Variants in ENAH observed in about 807,000 individuals in gnomAD.
ENAH encodes the protein ENAH actin regulator, also known as protein enabled homolog.
ENAH carries 23 observed loss-of-function variants against 78.7 expected under a neutral mutation model. The observed-to-expected ratio is 0.29, with a 90% CI of 0.21 to 0.41. ENAH has a LOEUF of 0.41. Ranked by LOEUF, ENAH falls within the 10% of genes least tolerant of loss-of-function variation. ENAH has a pLI of 1.00. For missense variants in ENAH, 544 were observed against 691.0 expected, an observed-to-expected ratio of 0.79 and a Z score of 2.39; for synonymous variants, 226 against 241.0, an observed-to-expected ratio of 0.94 and a Z score of 0.58.
chr1:225,499,776 T>A (rs2096271581), intron 12 of ENAH, among the ~76,000 whole-genome samples: 1 of 152,216 alleles, frequency 6.6e-6, no homozygotes, highest in African/African-American at 2.4e-5. Flanking sequence ...CAGCTGTCCT[T>A]TGGAAGAATT....
chr1:225,640,129 G>C (rs773151296), intron 1 of ENAH, among the ~76,000 whole-genome samples: 2 of 152,278 alleles, frequency 1.3e-5, no homozygotes, highest in South Asian at 2.1e-4. Flanking sequence ...TGGCAAAAAG[G>C]ACTGTCTTTA....
chr1:225,561,558 G>A (rs1445963577), intron 2 of ENAH, among the ~76,000 whole-genome samples: 1 of 151,156 alleles, frequency 6.6e-6, no homozygotes, highest in African/African-American at 2.4e-5. Context: ...GGAGTTGAAG[G>A]TTGCAGTGAG....
chr1:225,554,016 G>A (rs554643557), intron 3 of ENAH, among the ~76,000 whole-genome samples: 1 of 152,232 alleles, frequency 6.6e-6, no homozygotes, highest in South Asian at 2.1e-4. Context: ...ATTGTTTAAT[G>A]TATTTATAAC....
intron 1 of ENAH, among the ~76,000 whole-genome samples, chr1:225,644,269 T>C (rs1182794661): frequency 6.6e-6 from 1 of 152,254 alleles, no homozygotes; most frequent in East Asian, 1.9e-4. Flanking sequence ...AAAAAAATAC[T>C]GACCAGACAT....
At position 225,488,370 on chromosome 1, in the gene ENAH, T is replaced by C. The variant is rs771824066; in HGVS notation, c.*9405A>G. On this transcript the variant is annotated 3_prime_UTR_variant, in exon 14 of 14. Transcript: ENST00000366843. Reference sequence around the variant, plus strand: ...AGGCTGAGCAACAGAAAGCTTCCAATGAGAACTCAGAAGGCATTCACTCTG... The same window carrying C: ...AGGCTGAGCAACAGAAAGCTTCCAACGAGAACTCAGAAGGCATTCACTCTG... 6.6e-6 allele frequency: 1 copy of C among 152,102 alleles called. No individual in the cohort carries two copies. Among genetic ancestry groups the C allele is most frequent in the Non-Finnish European group, 1.5e-5 (1 of 68,054 alleles). The allele number at this position is 152,102 out of a possible 1,614,324, so 9.4% of individuals were successfully genotyped here. A position where few individuals can be genotyped will look rare whatever the true frequency, so the allele number is the denominator to read the frequency against.
chr1:225,650,927 T>C (rs141873971), intron 1 of ENAH, among the ~76,000 whole-genome samples: 172 of 150,588 alleles, frequency 1.1e-3, no homozygotes, highest in African/African-American at 3.9e-3. Flanking sequence ...TACCCAAAGT[T>C]TGAAACAACT....
chr1:225,547,445 C>T (rs2096620552), intron 3 of ENAH, among the ~76,000 whole-genome samples: 1 of 152,126 alleles, frequency 6.6e-6, no homozygotes, highest in South Asian at 2.1e-4. Flanking sequence ...AAGTGAAGTA[C>T]AATCAGAACC....
chr1:225,625,301 C>T (rs1361358943), intron 1 of ENAH, among the ~76,000 whole-genome samples: 1 of 152,130 alleles, frequency 6.6e-6, no homozygotes, highest in Non-Finnish European at 1.5e-5. Context: ...ACACCTAAAG[C>T]AATATTTAGC....
At chr1:225,612,094 G>A (rs557396879) in intron 1 of ENAH, among the ~76,000 whole-genome samples, 12 of 152,124 alleles carry the variant, frequency 7.9e-5, no homozygotes, top group Admixed American at 3.3e-4. Context: ...ATATATGTCC[G>A]AAAAAACTGA....
intron 1 of ENAH, among the ~76,000 whole-genome samples, chr1:225,597,094 C>T (rs1446007810): frequency 6.6e-6 from 1 of 152,164 alleles, no homozygotes; most frequent in African/African-American, 2.4e-5. Context: ...AAATACTGAA[C>T]ATCAATCCTA....
At chr1:225,645,035 T>C (rs1473346078) in intron 1 of ENAH, among the ~76,000 whole-genome samples, 1 of 152,158 alleles carries the variant, frequency 6.6e-6, no homozygotes. Flanking sequence ...AGCTCCAAAA[T>C]TTGTTCAGGC....
At chr1:225,517,393 C>A in intron 5 of ENAH, 87 bp from the exon 6 acceptor site, 1 of 1,551,686 alleles carries the variant, frequency 6.4e-7, no homozygotes, top group South Asian at 1.2e-5. Flanking sequence ...TTGAGATCCA[C>A]AGTGTGAGAG....
At chr1:225,599,774 C>G (rs112909702) in intron 1 of ENAH, among the ~76,000 whole-genome samples, 1 of 132,988 alleles carries the variant, frequency 7.5e-6, no homozygotes, top group Non-Finnish European at 1.5e-5. Context: ...CCAGCCTGGG[C>G]GACAGGGCCG....
intron 1 of ENAH, among the ~76,000 whole-genome samples, chr1:225,597,089 C>G (rs1277666819): frequency 6.6e-6 from 1 of 152,148 alleles, no homozygotes; most frequent in Non-Finnish European, 1.5e-5. Flanking sequence ...AAGTCAAATA[C>G]TGAACATCAA....
chr1:225,609,470 G>A (rs2096975963), intron 1 of ENAH, among the ~76,000 whole-genome samples: 1 of 151,934 alleles, frequency 6.6e-6, no homozygotes, highest in South Asian at 2.1e-4. Flanking sequence ...ATCGTGGGGA[G>A]GAGAATGTAA....
intron 1 of ENAH, among the ~76,000 whole-genome samples, chr1:225,587,470 T>C (rs1337221652): frequency 6.6e-6 from 1 of 152,186 alleles, no homozygotes; most frequent in Non-Finnish European, 1.5e-5. Context: ...GCGTAAAATC[T>C]TTATGCTGAA....
In ENAH at chr1:225,497,213, A is replaced by T. The variant is rs2096253512; in HGVS notation, c.*562T>A. The T allele has an allele frequency of 6.6e-6, 1 of 152,628 alleles. No individual in the cohort carries two copies. The highest frequency in any genetic ancestry group is 2.1e-4 in the South Asian group (1 of 4,834). The allele number at this position is 152,628 out of a possible 1,614,324, so 9.5% of individuals were successfully genotyped here. ...TTTCGGACACTTTCTTATAAATATT[A>T]CCCTTTGAAAGCACTTACAATTCCA... is the stretch of plus-strand genomic sequence containing the variant. On this transcript the variant is annotated 3_prime_UTR_variant, in exon 14 of 14. Transcript: ENST00000366843.
chr1:225,594,642 A>G (rs1364871673), intron 1 of ENAH, among the ~76,000 whole-genome samples: 1 of 152,212 alleles, frequency 6.6e-6, no homozygotes, highest in Non-Finnish European at 1.5e-5. Context: ...TACAATATTA[A>G]TATCTGAAGC....
chr1:225,533,208 T>G (rs776932424), intron 3 of ENAH, among the ~76,000 whole-genome samples: 15 of 152,172 alleles, frequency 9.9e-5, no homozygotes, highest in African/African-American at 1.7e-4. Flanking sequence ...AATTACATTT[T>G]TCCTTCTTGT....
Sources: allele counts gnomAD v4.1 joint callset (sites outside exome capture counted in the v4.1 genomes callset), GRCh38; gene constraint gnomAD v4.1.1; transcripts MANE v1.5; gene names NCBI Gene and HGNC (gene_info 2026-07-23, HGNC 2026-07-21).